Variants in PRKDC observed in about 807,000 individuals in gnomAD.
PRKDC encodes the protein protein kinase, DNA-activated, catalytic subunit.
In PRKDC, 82 loss-of-function variants were observed where a neutral mutation model predicts 486.9. The observed-to-expected ratio is 0.17, with a 90% confidence interval of 0.14 to 0.20. PRKDC has a LOEUF of 0.20. Ranked by LOEUF, PRKDC falls within the 10% of genes least tolerant of loss-of-function variation. The pLI is 1.00. For missense variants in PRKDC, 4,504 were observed against 5,038.2 expected (o/e 0.89, Z 3.21); for synonymous variants, 1,895 against 1,837.0 (o/e 1.03, Z -0.81).
chr8:47,839,482 G>A (rs1467668797), intron 55 of PRKDC, among the ~76,000 whole-genome samples: 2 of 152,166 alleles, frequency 1.3e-5, no homozygotes, highest in African/African-American at 4.8e-5. Context: ...GAGGCCCAGC[G>A]GTCCTGTGAC....
At chr8:47,817,396 T>C in intron 68 of PRKDC, 54 bp downstream of exon 68, 1 of 1,260,968 alleles carries the variant, frequency 7.9e-7, no homozygotes, top group Non-Finnish European at 1.1e-6. Flanking sequence ...AGAAAAACCA[T>C]TCCAACAATT....
At position 47,890,158 on chromosome 8, in the gene PRKDC, T is replaced by C. The variant is rs8178091; in HGVS notation, c.4071+99A>G. 6.8e-4 allele frequency: 335 copies of C among 491,896 alleles called. 5 individuals are homozygous for C. In the Admixed American group the frequency reaches 0.014, roughly 21 times the overall value. 30.5% of individuals were successfully genotyped at this position (491,896 alleles called of 1,614,324 possible). A position where few individuals can be genotyped will look rare whatever the true frequency, so the allele number is the denominator to read the frequency against. ...ATAATAATAATAATAATAATAATAA[T>C]GATAAATTTTTATTAAAAGCCAAAA... is the stretch of plus-strand genomic sequence containing the variant. On this transcript the variant is annotated intron_variant, in intron 32 of 85. Coordinates refer to ENST00000314191, the MANE Select transcript of PRKDC (RefSeq NM_006904.7).
Position 47,782,528 on chromosome 8 carries a change from G to C in PRKDC, c.11246C>G (p.Pro3749Arg), listed in dbSNP as rs776436426. 5.2e-5 allele frequency: 82 copies of C among 1,576,654 alleles called. 1 individual carries two copies. In the South Asian group the frequency reaches 8.3e-4, roughly 16 times the overall value. ...GTCCTCGCCACCCTTCACCAGGAAAGGGTGTTCCCTCTCGTCATGGCCACG... is the reference window on the plus strand; with the variant it reads ...GTCCTCGCCACCCTTCACCAGGAAACGGTGTTCCCTCTCGTCATGGCCACG... ...IIRGHDEREH[P>R]FLVKGGEDLR... Residue 3749 changes from proline (P) to arginine (R), a missense_variant, in exon 79 of 86, where the codon CCT becomes CGT. Around this residue, in one of 6 missense-constraint regions of PRKDC, gnomAD observed 706 missense variants for 945.0 expected, o/e 0.75. Transcript: ENST00000314191. This position sits in a 1 kb window ranked among gnomAD's most constrained non-coding sequence, Gnocchi z 4.9.
intron 23 of PRKDC, 25 bp downstream of exon 23, chr8:47,915,303 G>A (rs1563801523): frequency 3.0e-6 from 4 of 1,336,500 alleles, no homozygotes; most frequent in Non-Finnish European, 4.2e-6. Context: ...ATCTACAGAG[G>A]TTATTTATTT....
chr8:47,859,206 G>A (rs1036262817), intron 46 of PRKDC, among the ~76,000 whole-genome samples: 1 of 152,186 alleles, frequency 6.6e-6, no homozygotes, highest in Non-Finnish European at 1.5e-5. Context: ...CGTCCCGTCT[G>A]CCCAGTCATT....
At chr8:47,783,946 G>A (rs1328558063) in intron 77 of PRKDC, 137 bp from the exon 78 acceptor site, 3 of 834,046 alleles carry the variant, frequency 3.6e-6, no homozygotes, top group Admixed American at 2.3e-5. Flanking sequence ...TCACTTAAAG[G>A]GAACTGACTT....
chr8:47,827,295 T>C (rs1462217606), intron 62 of PRKDC, among the ~76,000 whole-genome samples: 1 of 152,170 alleles, frequency 6.6e-6, no homozygotes, highest in Non-Finnish European at 1.5e-5. Flanking sequence ...ACCAATTCGT[T>C]TGTAAACCAA....
chr8:47,819,373 GA>G (rs572717953), intron 67 of PRKDC, 28 bp downstream of exon 67: 196 of 1,315,066 alleles, frequency 1.5e-4, no homozygotes, highest in African/African-American at 2.3e-4. Context: ...AATTAGAAAT[GA>G]AAAAAAAAGA....
chr8:47,776,439 C>T (rs2086609704), intron 85 of PRKDC, among the ~76,000 whole-genome samples: 1 of 152,214 alleles, frequency 6.6e-6, no homozygotes, highest in South Asian at 2.1e-4. Flanking sequence ...GAATTCTCAT[C>T]TAACAAGCCC....
At position 47,927,768 on chromosome 8, in the gene PRKDC, T is replaced by C. The variant is rs749671484; in HGVS notation, c.2259+3A>G. ...AGATGGCTCTGTTCAAGACAACGCC[T>C]ACCTGCAGTGCAGGAACGTAGGCTC... On this transcript the variant is annotated splice_donor_region_variant and intron_variant, in intron 20 of 85. Transcript: ENST00000314191. 2.0e-5 allele frequency: 31 copies of C among 1,528,114 alleles called. No homozygotes were observed. In the East Asian group the frequency reaches 6.1e-4, roughly 30 times the overall value. 94.7% of individuals were successfully genotyped at this position (1,528,114 alleles called of 1,614,324 possible).
At chr8:47,901,293 G>A (rs1331841844) in intron 27 of PRKDC, among the ~76,000 whole-genome samples, 1 of 152,080 alleles carries the variant, frequency 6.6e-6, no homozygotes, top group Non-Finnish European at 1.5e-5. Context: ...GACTAACATG[G>A]TGAAACCCAG....
chr8:47,917,947 T>G (rs1346482712), intron 22 of PRKDC, among the ~76,000 whole-genome samples: 7 of 152,118 alleles, frequency 4.6e-5, no homozygotes, highest in Non-Finnish European at 8.8e-5. Flanking sequence ...TGGGCACAGG[T>G]GATTCTCCCA....
chr8:47,933,180 T>C lies in PRKDC; in HGVS notation c.1624-8A>G. 1 of 1,476,602 alleles carries C rather than the reference T, an allele frequency of 6.8e-7. No individual in the cohort carries two copies. The highest frequency in any genetic ancestry group is 9.0e-7 in the Non-Finnish European group (1 of 1,114,110). The allele number at this position is 1,476,602 out of a possible 1,614,324, so 91.5% of individuals were successfully genotyped here. On this transcript the variant is annotated splice_polypyrimidine_tract_variant and splice_region_variant and intron_variant, in intron 15 of 85. Coordinates refer to ENST00000314191, the MANE Select transcript of PRKDC (RefSeq NM_006904.7). ...ATCTGCTAAAATAGAATCCTTTAAA[T>C]AAAGAAAAACAATAAACTTCAAAAT...
At chr8:47,885,707 A>G (rs1308253346) in intron 36 of PRKDC, among the ~76,000 whole-genome samples, 1 of 152,050 alleles carries the variant, frequency 6.6e-6, no homozygotes, top group Non-Finnish European at 1.5e-5. Flanking sequence ...CCTGGCCAAC[A>G]TAGTGAAACT....
intron 10 of PRKDC, among the ~76,000 whole-genome samples, chr8:47,942,063 G>A (rs762760860): frequency 6.6e-6 from 1 of 152,172 alleles, no homozygotes; most frequent in East Asian, 1.9e-4. Flanking sequence ...GGCCCCCAGG[G>A]TGCCACCAGG....
At chr8:47,796,846 C>A (rs1223585379) in intron 73 of PRKDC, among the ~76,000 whole-genome samples, 1 of 152,134 alleles carries the variant, frequency 6.6e-6, no homozygotes, top group Non-Finnish European at 1.5e-5. Context: ...CCCACCTTGG[C>A]CTCCCAAAGT....
At chr8:47,871,609 T>A (rs6982319) in intron 40 of PRKDC, among the ~76,000 whole-genome samples, 1,795 of 152,306 alleles carry the variant, frequency 0.012, 47 homozygotes, top group African/African-American at 0.04. Context: ...GTTGTTTTTG[T>A]TTTTTTAAGA....
Position 47,783,750 on chromosome 8 carries a change from C to G in PRKDC, c.11167G>C (p.Asp3723His). Residue 3723 changes from aspartate (D) to histidine (H), a missense_variant, in exon 78 of 86, where the codon GAT becomes CAT. Physicochemically the swap from Asp to His is moderately conservative, Grantham distance 81. Around this residue, in one of 6 missense-constraint regions of PRKDC, gnomAD observed 706 missense variants for 945.0 expected, o/e 0.75. Coordinates refer to ENST00000314191, the MANE Select transcript of PRKDC (RefSeq NM_006904.7). ...CACACCCTCACACCTACCCGCTCATCAAACCCGGCGATTCGCACGTGGTAC... is the reference window on the plus strand; with the variant it reads ...CACACCCTCACACCTACCCGCTCATGAAACCCGGCGATTCGCACGTGGTAC... Reference protein sequence around the residue: ...PEYHVRIAGFDERVTVMASLR... With the variant: ...PEYHVRIAGFHERVTVMASLR... The G allele has an allele frequency of 1.2e-6, 2 of 1,614,002 alleles. No individual in the cohort carries two copies. The highest frequency in any genetic ancestry group is 3.3e-5 in the Admixed American group (2 of 60,018).
Position 47,881,382 on chromosome 8 carries a change from T to A in PRKDC, c.5067+34A>T, listed in dbSNP as rs184077261. The A allele has an allele frequency of 3.3e-6, 4 of 1,201,878 alleles. No homozygotes were observed. In the African/African-American group the frequency reaches 6.2e-5, roughly 18 times the overall value. 74.5% of individuals were successfully genotyped at this position (1,201,878 alleles called of 1,614,324 possible). A position where few individuals can be genotyped will look rare whatever the true frequency, so the allele number is the denominator to read the frequency against. The stretch of plus-strand genomic sequence containing the variant: ...TAAAAAATACGAAAACAGAAGAGAA[T>A]GTAATCCAAAAAAATAAATATTTCA... On this transcript the variant is annotated intron_variant, in intron 38 of 85. Coordinates refer to ENST00000314191, the MANE Select transcript of PRKDC (RefSeq NM_006904.7).
Sources: allele counts gnomAD v4.1 joint callset (sites outside exome capture counted in the v4.1 genomes callset), GRCh38; gene constraint gnomAD v4.1.1; regional missense constraint gnomAD v4.1.1; non-coding constraint Gnocchi (gnomAD v3.1); transcripts MANE v1.5; gene names NCBI Gene and HGNC (gene_info 2026-07-23, HGNC 2026-07-21).